The following VPS13A variants were observed in gnomAD, a reference collection of about 807,000 sequenced individuals.
VPS13A encodes the protein intermembrane lipid transfer protein VPS13A.
Under a neutral mutation model 390.9 loss-of-function variants are expected in VPS13A, and 264 were observed. The ratio of observed to expected loss-of-function variants is 0.68; its 90% CI spans 0.61 to 0.75. The LOEUF (loss-of-function observed/expected upper bound fraction) is 0.75, where lower values mean the gene tolerates loss of function less well. VPS13A is among the 30% of genes least tolerant of loss of function. The pLI is 0.00. For synonymous variants in VPS13A, 1,231 were observed against 1,227.1 expected (o/e 1.00, Z -0.07); for missense variants, 3,409 against 3,733.9 (o/e 0.91, Z 2.27).
At chr9:77,210,537 C>T in intron 6 of VPS13A, 79 bp from the exon 7 acceptor site, 3 of 1,409,688 alleles carry the variant, frequency 2.1e-6, no homozygotes, top group Non-Finnish European at 3.0e-6. Flanking sequence ...AGCCGCTGCA[C>T]ATTGACAGTT....
intron 31 of VPS13A, among the ~76,000 whole-genome samples, chr9:77,292,740 T>G (rs1827752140): frequency 6.6e-6 from 1 of 152,180 alleles, no homozygotes; most frequent in Non-Finnish European, 1.5e-5. Flanking sequence ...CCAAAATTTT[T>G]TTTAACATTT....
intron 1 of VPS13A, among the ~76,000 whole-genome samples, chr9:77,197,805 T>C (rs1393148980): frequency 6.6e-6 from 1 of 152,234 alleles, no homozygotes; most frequent in African/African-American, 2.4e-5. Context: ...CTTGTGTACC[T>C]TCAACCATCA....
At chr9:77,281,997 A>G in intron 28 of VPS13A, 71 bp downstream of exon 28, 2 of 1,340,408 alleles carry the variant, frequency 1.5e-6, no homozygotes, top group Non-Finnish European at 2.1e-6. Flanking sequence ...CTGGAATTGT[A>G]AGATCCTTAA....
intron 42 of VPS13A, among the ~76,000 whole-genome samples, chr9:77,320,661 G>A (rs1008040003): frequency 2.6e-5 from 4 of 151,968 alleles, no homozygotes; most frequent in African/African-American, 9.7e-5. Flanking sequence ...GAATTCCTTG[G>A]TGGTTTTTAG....
intron 23 of VPS13A, among the ~76,000 whole-genome samples, chr9:77,267,584 C>G (rs1285071997): frequency 6.6e-6 from 1 of 152,190 alleles, no homozygotes; most frequent in Non-Finnish European, 1.5e-5. Flanking sequence ...CAGAGCTCTC[C>G]TGTATGAGGT....
intron 19 of VPS13A, among the ~76,000 whole-genome samples, chr9:77,240,392 G>A (rs1010783716): frequency 2.7e-5 from 4 of 150,282 alleles, no homozygotes; most frequent in Admixed American, 2.0e-4. Context: ...TGGCCTGGAA[G>A]TTCATTTGTA....
In VPS13A at chr9:77,276,070, G is replaced by T; in HGVS notation, c.2673G>T (p.Leu891Phe). Residue 891 changes from leucine (L) to phenylalanine (F), a missense_variant, in exon 26 of 72, where the codon TTG becomes TTT. Leu to Phe is a conservative substitution (Grantham distance 22, BLOSUM62 0). Around this residue, in one of 5 missense-constraint regions of VPS13A, gnomAD observed 2,717 missense variants for 2,917.4 expected, o/e 0.93. Coordinates refer to ENST00000360280, the MANE Select transcript of VPS13A (RefSeq NM_033305.3). The part of the protein sequence containing the change: ...FKIRFEVPKV[L>F]IEFYHLVGDC... ...CTTTTTTCTTTCTTCTCCAGGTTTTGATCGAGTTTTATCACCTTGTTGGAG... is the reference window on the plus strand; with the variant it reads ...CTTTTTTCTTTCTTCTCCAGGTTTTTATCGAGTTTTATCACCTTGTTGGAG... The T allele has an allele frequency of 6.2e-7, 1 of 1,611,704 alleles. No homozygotes were observed.
At chr9:77,360,055 T>G (rs1038882851) in intron 58 of VPS13A, among the ~76,000 whole-genome samples, 2 of 152,142 alleles carry the variant, frequency 1.3e-5, no homozygotes, top group African/African-American at 4.8e-5. Flanking sequence ...CCTGTCTAAT[T>G]TCCCTTACCT....
chr9:77,306,414 TTGTGTGTGTG>T (rs60382346), intron 34 of VPS13A, among the ~76,000 whole-genome samples: 15 of 140,880 alleles, frequency 1.1e-4, no homozygotes, highest in South Asian at 2.3e-4. Context: ...GTGTGTGTGT[TTGTGTGTGTG>T]TGTGTGTGTG....
In VPS13A at chr9:77,416,155, A is replaced by C; in HGVS notation, c.*149A>C. The C allele has an allele frequency of 1.1e-6, 1 of 891,034 alleles. No homozygotes were observed. Among genetic ancestry groups the C allele is most frequent in the Non-Finnish European group, 1.8e-6 (1 of 568,656 alleles). The allele number at this position is 891,034 out of a possible 1,614,324, so 55.2% of individuals were successfully genotyped here. On this transcript the variant is annotated 3_prime_UTR_variant, in exon 72 of 72. Coordinates refer to ENST00000360280, the MANE Select transcript of VPS13A (RefSeq NM_033305.3). ...AAACAAAAACAAACAAAAAAACAAA[A>C]ACAAAAAAACAAAACCAGAATCAGG...
At chr9:77,304,512 T>G (rs1162706353) in intron 34 of VPS13A, among the ~76,000 whole-genome samples, 1 of 152,186 alleles carries the variant, frequency 6.6e-6, no homozygotes, top group African/African-American at 2.4e-5. Context: ...AATATAGAAT[T>G]TATTGGAAAG....
chr9:77,266,648 C>T (rs10781428), intron 23 of VPS13A, among the ~76,000 whole-genome samples: 16 of 151,772 alleles, frequency 1.1e-4, no homozygotes, highest in African/African-American at 3.6e-4. Flanking sequence ...CTTGGGGTTG[C>T]TCTTATTGAG....
intron 22 of VPS13A, 83 bp downstream of exon 22, chr9:77,252,435 C>T: frequency 1.8e-6 from 2 of 1,102,096 alleles, no homozygotes; most frequent in Non-Finnish European, 2.8e-6. Flanking sequence ...CTGACTCTTC[C>T]TTGTGTGTGT....
At chr9:77,293,235 G>C (rs1201288835) in intron 31 of VPS13A, 106 bp from the exon 32 acceptor site, 52 of 1,031,846 alleles carry the variant, frequency 5.0e-5, no homozygotes, top group Non-Finnish European at 7.3e-5. Flanking sequence ...GTGAATACTT[G>C]GGAGATTTTC....
At chr9:77,282,486 A>C (rs2131347946) in intron 29 of VPS13A, among the ~76,000 whole-genome samples, 1 of 152,294 alleles carries the variant, frequency 6.6e-6, no homozygotes, top group African/African-American at 2.4e-5. Flanking sequence ...TTTATCGTAT[A>C]TAATAATTGT....
intron 31 of VPS13A, among the ~76,000 whole-genome samples, chr9:77,289,719 T>C (rs1449443172): frequency 1.3e-5 from 2 of 152,306 alleles, no homozygotes; most frequent in South Asian, 2.1e-4. Context: ...TGCAACTCTT[T>C]CTGTAACTAC....
intron 13 of VPS13A, among the ~76,000 whole-genome samples, chr9:77,223,152 C>T (rs1823318631): frequency 1.3e-5 from 2 of 152,254 alleles, no homozygotes; most frequent in African/African-American, 2.4e-5. Flanking sequence ...AAATGTACTT[C>T]GGCTGAAGTT....
At chr9:77,382,646 AC>A in intron 68 of VPS13A, 1 of 1,004,822 alleles carries the variant, frequency 1.0e-6, no homozygotes, top group Non-Finnish European at 1.2e-6. Context: ...GAAAAGCAAA[AC>A]TCAGGAACAC....
intron 68 of VPS13A, among the ~76,000 whole-genome samples, chr9:77,394,093 C>G (rs1027723373): frequency 6.6e-6 from 1 of 151,994 alleles, no homozygotes; most frequent in African/African-American, 2.4e-5. Context: ...AGATAAGAGT[C>G]TCACTCTGTC....
Sources: allele counts gnomAD v4.1 joint callset (sites outside exome capture counted in the v4.1 genomes callset), GRCh38; gene constraint gnomAD v4.1.1; regional missense constraint gnomAD v4.1.1; transcripts MANE v1.5; gene names NCBI Gene and HGNC (gene_info 2026-07-23, HGNC 2026-07-21).